Variants in LRP1B observed in about 807,000 individuals in gnomAD.
LRP1B encodes the protein LDL receptor related protein 1B, also known as low-density lipoprotein receptor-related protein 1B.
In LRP1B, 217 loss-of-function variants were observed where a neutral mutation model predicts 556.6. The observed-to-expected ratio is 0.39, with a 90% CI of 0.35 to 0.44. The LOEUF (loss-of-function observed/expected upper bound fraction) is 0.44. LRP1B is among the 20% of genes least tolerant of loss of function. The pLI is 1.00. For missense variants in LRP1B, 5,053 were observed against 5,620.8 expected (o/e 0.90, Z 3.23); for synonymous variants, 2,047 against 1,865.8 (o/e 1.10, Z -2.50).
At chr2:141,045,081 T>C (rs1216661421) in intron 11 of LRP1B, among the ~76,000 whole-genome samples, 1 of 148,172 alleles carries the variant, frequency 6.7e-6, no homozygotes, top group Non-Finnish European at 1.5e-5. Flanking sequence ...CACGGAATAC[T>C]ATGCAGCCAT....
intron 43 of LRP1B, among the ~76,000 whole-genome samples, chr2:140,582,788 T>C (rs1344382433): frequency 6.6e-6 from 1 of 152,200 alleles, no homozygotes; most frequent in Non-Finnish European, 1.5e-5. Context: ...CTCTGGTAGT[T>C]GGTTATAGAA....
At chr2:141,262,276 A>AGTGTGT (rs58446704) in intron 3 of LRP1B, among the ~76,000 whole-genome samples, 13 of 150,048 alleles carry the variant, frequency 8.7e-5, no homozygotes, top group Non-Finnish European at 1.5e-4. Context: ...AGCGAGACGG[A>AGTGTGT]GTGTGTGTGT....
intron 3 of LRP1B, among the ~76,000 whole-genome samples, chr2:141,293,599 A>C (rs2105414435): frequency 6.6e-6 from 1 of 152,164 alleles, no homozygotes; most frequent in South Asian, 2.1e-4. Flanking sequence ...TTGTAAATTT[A>C]ATTTGATGCC....
chr2:140,379,508 A>G (rs1683380524), intron 67 of LRP1B, among the ~76,000 whole-genome samples: 1 of 152,130 alleles, frequency 6.6e-6, no homozygotes, highest in African/African-American at 2.4e-5. Context: ...CAGCTTGGTC[A>G]ACATGGCAAA....
chr2:142,068,345 T>C (rs1450028254), intron 1 of LRP1B, among the ~76,000 whole-genome samples: 4 of 151,554 alleles, frequency 2.6e-5, no homozygotes, highest in Non-Finnish European at 5.9e-5. Context: ...AATGTTCCAT[T>C]AGTGGTCAGT....
At chr2:141,350,859 T>C (rs1366176223) in intron 3 of LRP1B, among the ~76,000 whole-genome samples, 1 of 152,036 alleles carries the variant, frequency 6.6e-6, no homozygotes, top group Admixed American at 6.6e-5. Flanking sequence ...TTGGAATAAG[T>C]TATAGATGAG....
At chr2:141,200,797 T>C (rs1473263078) in intron 6 of LRP1B, among the ~76,000 whole-genome samples, 4 of 152,178 alleles carry the variant, frequency 2.6e-5, no homozygotes, top group Admixed American at 2.0e-4. Context: ...ATATGTGTAA[T>C]TCACTGCCGT....
Position 140,238,235 on chromosome 2 carries a change from G to T in LRP1B, c.13477C>A (p.Pro4493Thr), listed in dbSNP as rs2104881686. 6.3e-7 allele frequency: 1 copy of T among 1,594,054 alleles called. No individual in the cohort carries two copies. The highest frequency in any genetic ancestry group is 8.6e-7 in the Non-Finnish European group (1 of 1,164,080). ...TCTACCTCATACATGTTATAAGATG[G>T]ATTGCCAATTTCTACATTTATTCCT... ...NGGINVEIGN[P>T]SYNMYEVDHD... Residue 4493 changes from proline to threonine, a missense_variant, in exon 89 of 91, where the codon CCA (proline) becomes ACA (threonine). Around this residue, in one of 5 missense-constraint regions of LRP1B, gnomAD observed 551 missense variants for 592.0 expected, o/e 0.93. Coordinates refer to ENST00000389484, the MANE Select transcript of LRP1B (RefSeq NM_018557.3).
chr2:141,435,458 AT>A (rs1158480734), intron 3 of LRP1B, among the ~76,000 whole-genome samples: 1 of 152,152 alleles, frequency 6.6e-6, no homozygotes, highest in Non-Finnish European at 1.5e-5. Context: ...CAAGATCTCC[AT>A]TGTTCTTGAC....
intron 9 of LRP1B, 55 bp downstream of exon 9, chr2:141,058,828 T>C (rs1366901273): frequency 2.1e-6 from 3 of 1,436,326 alleles, no homozygotes. Flanking sequence ...GCACAAGGAC[T>C]ATATCCCCAT....
intron 1 of LRP1B, among the ~76,000 whole-genome samples, chr2:141,928,945 T>C (rs145853178): frequency 1.0e-3 from 158 of 152,166 alleles, no homozygotes; most frequent in African/African-American, 3.7e-3. Flanking sequence ...TGATACCACA[T>C]TGTTAACCTG....
intron 1 of LRP1B, among the ~76,000 whole-genome samples, chr2:141,811,529 C>T (rs1033173643): frequency 6.6e-6 from 1 of 151,970 alleles, no homozygotes; most frequent in African/African-American, 2.4e-5. Context: ...CAACTTCCCT[C>T]CGCCTGATAC....
intron 44 of LRP1B, 92 bp downstream of exon 44, chr2:140,541,687 C>G: frequency 9.6e-7 from 1 of 1,038,424 alleles, no homozygotes; most frequent in Non-Finnish European, 1.4e-6. Context: ...AAAGAAAAAG[C>G]AAATCCAACT....
At chr2:141,389,529 A>T (rs1228312413) in intron 3 of LRP1B, among the ~76,000 whole-genome samples, 1 of 152,176 alleles carries the variant, frequency 6.6e-6, no homozygotes, top group African/African-American at 2.4e-5. Flanking sequence ...TTTTAAAATC[A>T]TGAACGAATA....
chr2:140,879,713 A>C (rs1163255241), intron 25 of LRP1B, among the ~76,000 whole-genome samples: 1 of 152,054 alleles, frequency 6.6e-6, no homozygotes, highest in East Asian at 1.9e-4. Flanking sequence ...TTATATCCTC[A>C]AGTATACAAA....
chr2:141,850,720 A>C (rs1697821768), intron 1 of LRP1B, among the ~76,000 whole-genome samples: 1 of 151,080 alleles, frequency 6.6e-6, no homozygotes, highest in South Asian at 2.1e-4. Flanking sequence ...GGTGGAGGAA[A>C]ATAGGTTAAC....
intron 33 of LRP1B, among the ~76,000 whole-genome samples, chr2:140,772,270 AATTAT>A (rs1689338634): frequency 1.3e-5 from 2 of 151,004 alleles, no homozygotes; most frequent in African/African-American, 4.8e-5. Context: ...ATAATGAAAC[AATTAT>A]ATTTATAGAT....
chr2:140,991,080 A>G (rs1697079365), intron 16 of LRP1B, among the ~76,000 whole-genome samples: 2 of 152,122 alleles, frequency 1.3e-5, no homozygotes, highest in Non-Finnish European at 2.9e-5. Context: ...AAAGCTTTAT[A>G]TTCTCTGGTA....
chr2:140,743,220 C>T (rs533282676), intron 35 of LRP1B, among the ~76,000 whole-genome samples: 2 of 151,992 alleles, frequency 1.3e-5, no homozygotes, highest in Non-Finnish European at 2.9e-5. Flanking sequence ...ATATAATGTG[C>T]AGCTCTCTAA....
Sources: allele counts gnomAD v4.1 joint callset (sites outside exome capture counted in the v4.1 genomes callset), GRCh38; gene constraint gnomAD v4.1.1; regional missense constraint gnomAD v4.1.1; transcripts MANE v1.5; gene names NCBI Gene and HGNC (gene_info 2026-07-23, HGNC 2026-07-21).